Variants in CLIC5 observed in about 807,000 individuals in gnomAD.
CLIC5 encodes the protein chloride intracellular channel protein 5.
A neutral mutation model predicts 24.7 loss-of-function variants in CLIC5; 20 were observed. That is an observed-to-expected ratio of 0.81 (90% CI 0.57 to 1.18). The LOEUF (loss-of-function observed/expected upper bound fraction) is 1.18. Ranked by LOEUF, CLIC5 falls within the 50% of genes most tolerant of loss-of-function variation. The pLI, the probability that CLIC5 is intolerant of heterozygous loss-of-function variation, is 0.00. For missense variants in CLIC5, 341 were observed against 326.1 expected (o/e 1.05, Z -0.35); for synonymous variants, 159 against 135.6 (o/e 1.17, Z -1.20).
chr6:45,958,449 T>TACACAC (rs1561964569), intron 1 of CLIC5, among the ~76,000 whole-genome samples: 1 of 24,246 alleles, frequency 4.1e-5, no homozygotes, highest in African/African-American at 7.2e-5. Flanking sequence ...TATATATATA[T>TACACAC]ATATATATAT....
intron 1 of CLIC5, among the ~76,000 whole-genome samples, chr6:45,982,714 G>T (rs570518083): frequency 6.6e-6 from 1 of 152,228 alleles, no homozygotes; most frequent in East Asian, 1.9e-4. Flanking sequence ...TGTGGTATGT[G>T]ACTCTGCAAC....
chr6:45,915,355 C>T (rs1480941300), intron 4 of CLIC5, among the ~76,000 whole-genome samples: 1 of 151,950 alleles, frequency 6.6e-6, no homozygotes. Context: ...ATAGAAGTTC[C>T]AAGACAAAGA....
the CLIC5 span, among the ~76,000 whole-genome samples, chr6:46,116,719 T>C: frequency 6.6e-6 from 1 of 152,194 alleles, no homozygotes; most frequent in African/African-American, 2.4e-5. Context: ...ATTGTCCATA[T>C]CCTCTTTGTT....
the CLIC5 span, among the ~76,000 whole-genome samples, chr6:46,100,711 T>A: frequency 3.3e-5 from 5 of 152,122 alleles, no homozygotes; most frequent in Non-Finnish European, 5.9e-5. Flanking sequence ...TAAGGCAATA[T>A]GAAAGAATTA....
At chr6:45,995,552 C>A (rs151311332) in intron 1 of CLIC5, among the ~76,000 whole-genome samples, 106 of 152,290 alleles carry the variant, frequency 7.0e-4, no homozygotes, top group African/African-American at 2.6e-3. Context: ...GTTGACATTT[C>A]TGTTTTCTCT....
At chr6:46,012,564 T>C (rs1292348039) in intron 1 of CLIC5, among the ~76,000 whole-genome samples, 1 of 152,218 alleles carries the variant, frequency 6.6e-6, no homozygotes, top group African/African-American at 2.4e-5. Flanking sequence ...AATGTCACCA[T>C]GATGGCACTT....
chr6:46,013,468 G>A (rs1219316867), intron 1 of CLIC5, among the ~76,000 whole-genome samples: 2 of 152,178 alleles, frequency 1.3e-5, no homozygotes, highest in Non-Finnish European at 2.9e-5. Context: ...AAAAGATGGG[G>A]TTGAGGGAGG....
At chr6:46,098,189 A>G in the CLIC5 span, among the ~76,000 whole-genome samples, 48 of 152,360 alleles carry the variant, frequency 3.2e-4, no homozygotes, top group South Asian at 9.1e-3. Context: ...ACTTTAAAAA[A>G]TATGCTATTG....
intron 4 of CLIC5, among the ~76,000 whole-genome samples, chr6:45,930,069 C>T (rs912934329): frequency 6.6e-6 from 1 of 152,144 alleles, no homozygotes; most frequent in Non-Finnish European, 1.5e-5. Context: ...AATATACACA[C>T]TCTTTTTTAA....
exon 1 of CLIC5, chr6:46,079,825 T>A: frequency 6.4e-7 from 1 of 1,552,262 alleles, no homozygotes. Flanking sequence ...ATGGTGAAGC[T>A]TGAAGGAGAA....
intron 6 of CLIC5, among the ~76,000 whole-genome samples, chr6:45,881,867 A>G (rs1042489417): frequency 6.6e-6 from 1 of 152,188 alleles, no homozygotes; most frequent in Non-Finnish European, 1.5e-5. Flanking sequence ...CACCAAGGGC[A>G]TGGGTCTGGT....
In CLIC5 at chr6:46,043,644, G is replaced by A. The variant is rs568051257; in HGVS notation, c.540+36059C>T. On this transcript the variant is annotated intron_variant, in intron 1 of 5. Coordinates refer to the CLIC5 transcript ENST00000185206. ...CAGTTAGAAGAAGCTAAGTTTAGGA[G>A]CCACTTCAGAGTACAGTTCAGGCAA... 2.0e-5 allele frequency among the ~76,000 whole-genome samples: 3 copies of A among 152,302 alleles called. No individual in the cohort carries two copies. The East Asian group carries it at 5.8e-4, about 29-fold the overall frequency.
intron 4 of CLIC5, among the ~76,000 whole-genome samples, chr6:45,940,250 C>T (rs188425527): frequency 1.2e-4 from 18 of 152,288 alleles, no homozygotes; most frequent in African/African-American, 3.6e-4. Context: ...TGAATACCTT[C>T]GACAGAAATT....
the CLIC5 span, among the ~76,000 whole-genome samples, chr6:46,118,555 T>C: frequency 1.3e-5 from 2 of 152,332 alleles, no homozygotes; most frequent in Non-Finnish European, 1.5e-5. Flanking sequence ...AATGTTTTAG[T>C]CATCCCTTTT....
At chr6:45,922,823 A>AAGAGAGATAGAGAGAGAGAG (rs1763319116) in intron 4 of CLIC5, among the ~76,000 whole-genome samples, 1 of 140,614 alleles carries the variant, frequency 7.1e-6, no homozygotes, top group African/African-American at 2.8e-5. Flanking sequence ...GAGAGAGAGA[A>AAGAGAGATAGAGAGAGAGAG]AGAGAGAGAG....
intron 1 of CLIC5, among the ~76,000 whole-genome samples, chr6:45,991,176 G>A (rs1765922703): frequency 1.3e-5 from 2 of 152,196 alleles, no homozygotes; most frequent in South Asian, 2.1e-4. Context: ...AAGATTTTCT[G>A]CAGATGTTAT....
intron 1 of CLIC5, among the ~76,000 whole-genome samples, chr6:46,072,633 T>C (rs929405490): frequency 6.6e-6 from 1 of 152,182 alleles, no homozygotes; most frequent in African/African-American, 2.4e-5. Flanking sequence ...TCACTTTCAT[T>C]TTCAGAGTTA....
chr6:46,047,123 G>T (rs1473417712), intron 1 of CLIC5, among the ~76,000 whole-genome samples: 1 of 152,172 alleles, frequency 6.6e-6, no homozygotes, highest in African/African-American at 2.4e-5. Flanking sequence ...TTTCATTACA[G>T]CTTTCCCTCT....
intron 1 of CLIC5, among the ~76,000 whole-genome samples, chr6:46,000,673 GGA>G (rs1766321599): frequency 6.6e-6 from 1 of 152,166 alleles, no homozygotes. Flanking sequence ...CAGGGCAGCA[GGA>G]GAGAGAATGA....
Sources: allele counts gnomAD v4.1 joint callset (sites outside exome capture counted in the v4.1 genomes callset), GRCh38; gene constraint gnomAD v4.1.1; transcripts MANE v1.5; gene names NCBI Gene and HGNC (gene_info 2026-07-23, HGNC 2026-07-21).